Variants in SNX3 observed in about 807,000 individuals in gnomAD.
The protein encoded by SNX3 is sorting nexin 3.
In SNX3, 5 loss-of-function variants were observed where a neutral mutation model predicts 17.7. The observed-to-expected ratio is 0.28, with a 90% CI of 0.15 to 0.59. The LOEUF (loss-of-function observed/expected upper bound fraction) is 0.59, where lower values mean the gene tolerates loss of function less well. Ranked by LOEUF, SNX3 falls within the 20% of genes least tolerant of loss-of-function variation. SNX3 has a pLI of 0.88. For synonymous variants in SNX3, 91 were observed against 76.5 expected (o/e 1.19, Z -0.99); for missense variants, 132 against 206.8 (o/e 0.64, Z 2.22).
rs59920022 is a variant in SNX3, at chr6:108,223,497, C to CTTTTTTTTTT, written c.163-462_163-453dup. Reference sequence around the variant, plus strand: ...ATAACAAAATAAAACTTTGCTAGTTCTTTTTTTTTTTTTTTTTTTTTTTTT... The same window carrying CTTTTTTTTTT: ...ATAACAAAATAAAACTTTGCTAGTTCTTTTTTTTTTTTTTTTTTTTTTTTTTTTTTTTTTT... On this transcript the variant is annotated intron_variant, in intron 1 of 3. Coordinates refer to ENST00000230085, the MANE Select transcript of SNX3 (RefSeq NM_003795.6). Among the ~76,000 whole-genome samples, 36 of 110,362 alleles carry CTTTTTTTTTT rather than the reference C, an allele frequency of 3.3e-4. 5 individuals carry two copies. The highest frequency in any genetic ancestry group is 1.5e-3 in the African/African-American group (35 of 23,778). The allele number at this position is 110,362 out of a possible 152,430, so 72.4% of individuals were successfully genotyped here. A position where few individuals can be genotyped will look rare whatever the true frequency, so the allele number is the denominator to read the frequency against.
chr6:108,219,370 C>T (rs1774684993), intron 2 of SNX3, among the ~76,000 whole-genome samples: 1 of 152,156 alleles, frequency 6.6e-6, no homozygotes, highest in Non-Finnish European at 1.5e-5. Context: ...CTTTGGGAGG[C>T]CAAGGCAGGA....
chr6:108,254,546 G>A (rs371227615), intron 1 of SNX3, among the ~76,000 whole-genome samples: 1 of 152,134 alleles, frequency 6.6e-6, no homozygotes, highest in East Asian at 1.9e-4. Context: ...TGACCCTGGG[G>A]AAGTTAACTT....
chr6:108,238,101 C>CAAA (rs11287104), intron 1 of SNX3, among the ~76,000 whole-genome samples: 4,768 of 85,262 alleles, frequency 0.056, 460 homozygotes, highest in African/African-American at 0.22. Context: ...GATCCTGTCT[C>CAAA]AAAAAAAAAA....
chr6:108,248,431 CAT>C (rs1334875067), intron 1 of SNX3, among the ~76,000 whole-genome samples: 2 of 152,186 alleles, frequency 1.3e-5, no homozygotes, highest in African/African-American at 2.4e-5. Context: ...AATGCAGTAA[CAT>C]GTGTTATTAA....
At chr6:108,257,003 C>T (rs755071907) in intron 1 of SNX3, among the ~76,000 whole-genome samples, 1 of 152,212 alleles carries the variant, frequency 6.6e-6, no homozygotes, top group African/African-American at 2.4e-5. Context: ...AACTTGCATT[C>T]TAAGTGCCAC....
At chr6:108,252,864 C>T (rs547458985) in intron 1 of SNX3, among the ~76,000 whole-genome samples, 127 of 152,158 alleles carry the variant, frequency 8.3e-4, no homozygotes, top group African/African-American at 2.8e-3. Flanking sequence ...TCTCGAACTC[C>T]TGATCTCGAG....
intron 1 of SNX3, among the ~76,000 whole-genome samples, chr6:108,249,812 G>T (rs924069143): frequency 6.6e-6 from 1 of 152,140 alleles, no homozygotes; most frequent in Non-Finnish European, 1.5e-5. Context: ...TATGCATTAA[G>T]ATCTTATTAT....
At chr6:108,248,211 T>C (rs971128767) in intron 1 of SNX3, among the ~76,000 whole-genome samples, 3 of 152,174 alleles carry the variant, frequency 2.0e-5, no homozygotes, top group East Asian at 1.9e-4. Context: ...CTACAGATTA[T>C]GCATATTTTA....
At chr6:108,225,155 G>A (rs1774936770) in intron 1 of SNX3, among the ~76,000 whole-genome samples, 2 of 152,090 alleles carry the variant, frequency 1.3e-5, no homozygotes, top group South Asian at 2.1e-4. Context: ...AGTGGCAGGC[G>A]CCTGCAGTTC....
At position 108,211,265 on chromosome 6, in the gene SNX3, G is replaced by T. The variant is rs1366684510; in HGVS notation, c.*884C>A. 1 of 152,168 alleles carries T rather than the reference G, an allele frequency of 6.6e-6. No individual in the cohort carries two copies. The highest frequency in any genetic ancestry group is 1.5e-5 in the Non-Finnish European group (1 of 68,028). The allele number at this position is 152,168 out of a possible 1,614,324, so 9.4% of individuals were successfully genotyped here. A position where few individuals can be genotyped will look rare whatever the true frequency, so the allele number is the denominator to read the frequency against. On this transcript the variant is annotated 3_prime_UTR_variant, in exon 4 of 4. Transcript: ENST00000230085. Reference sequence around the variant, plus strand: ...TTTTAATAAATGAGATTATAAAGCAGTTTTCAAATACACAAAGTGCTTCAA... The same window carrying T: ...TTTTAATAAATGAGATTATAAAGCATTTTTCAAATACACAAAGTGCTTCAA...
chr6:108,260,437 G>T (rs186969981), intron 1 of SNX3, among the ~76,000 whole-genome samples: 3 of 152,166 alleles, frequency 2.0e-5, no homozygotes, highest in Admixed American at 2.0e-4. Flanking sequence ...CCTTCCCAGC[G>T]AAGGGATGTG....
intron 1 of SNX3, among the ~76,000 whole-genome samples, chr6:108,235,878 ACT>A (rs1274725415): frequency 1.3e-5 from 2 of 151,952 alleles, no homozygotes; most frequent in African/African-American, 4.8e-5. Flanking sequence ...ACAGAGTGAG[ACT>A]CTACCTCAAA....
intron 1 of SNX3, among the ~76,000 whole-genome samples, chr6:108,236,886 A>G (rs1214230280): frequency 1.3e-5 from 2 of 152,216 alleles, no homozygotes; most frequent in Non-Finnish European, 2.9e-5. Context: ...ATTAAACACT[A>G]TACACACGCA....
intron 1 of SNX3, among the ~76,000 whole-genome samples, chr6:108,240,878 C>T (rs1158481446): frequency 6.6e-6 from 1 of 152,054 alleles, no homozygotes; most frequent in African/African-American, 2.4e-5. Context: ...CGCAGTGGCT[C>T]ACGCCTATAA....
At chr6:108,247,215 C>G (rs1360622100) in intron 1 of SNX3, among the ~76,000 whole-genome samples, 1 of 152,070 alleles carries the variant, frequency 6.6e-6, no homozygotes, top group African/African-American at 2.4e-5. Context: ...GAGGCCTCCC[C>G]AGCTATGCAA....
chr6:108,212,074 T>A lies in SNX3; in HGVS notation c.*75A>T. On this transcript the variant is annotated 3_prime_UTR_variant, in exon 4 of 4. Transcript: ENST00000230085. ...ATGTTATACCAGTTTCTGTGCAGCA[T>A]GCTAAAAGTTAGAACTTCTTCACTG... 1 of 730,298 alleles carries A rather than the reference T, an allele frequency of 1.4e-6. No individual in the cohort carries two copies. Among genetic ancestry groups the A allele is most frequent in the South Asian group, 1.6e-5 (1 of 60,662 alleles). The allele number at this position is 730,298 out of a possible 1,614,324, so 45.2% of individuals were successfully genotyped here. A position where few individuals can be genotyped will look rare whatever the true frequency, so the allele number is the denominator to read the frequency against.
At chr6:108,255,408 G>A (rs899250416) in intron 1 of SNX3, among the ~76,000 whole-genome samples, 1 of 152,086 alleles carries the variant, frequency 6.6e-6, no homozygotes, top group South Asian at 2.1e-4. Flanking sequence ...AGAGTGCGGT[G>A]GTATGATCGT....
intron 1 of SNX3, among the ~76,000 whole-genome samples, chr6:108,228,320 G>T (rs1477907179): frequency 6.6e-6 from 1 of 152,004 alleles, no homozygotes. Context: ...AGGCCAAGGC[G>T]GGTGGATCAT....
rs559592939 is a variant in SNX3 at position 108,213,234 on chromosome 6, T to A, written c.384-980A>T. Among the ~76,000 whole-genome samples the A allele has an allele frequency of 5.7e-4, 86 of 152,120 alleles. 1 individual carries two copies. Among genetic ancestry groups the A allele is most frequent in the African/African-American group, 2.0e-3 (82 of 41,510 alleles). ...GAAGATACAGGATTGAAGTTAGAAA[T>A]ACAATGAAGTTCAATAAAAGCCCAA... is the stretch of plus-strand genomic sequence containing the variant. On this transcript the variant is annotated intron_variant, in intron 3 of 3. Transcript: ENST00000230085.
Sources: gnomAD v4.1 joint callset for allele counts (sites outside exome capture counted in the v4.1 genomes callset) on GRCh38, gnomAD v4.1.1 for gene constraint, MANE v1.5 for transcripts, NCBI Gene and HGNC (gene_info 2026-07-23, HGNC 2026-07-21) for gene names.